CNBD1: variants seen among roughly 807,000 people sequenced by gnomAD.
CNBD1 encodes the protein cyclic nucleotide-binding domain-containing protein 1.
In CNBD1, 71 loss-of-function variants were observed where a neutral mutation model predicts 54.4. That is an observed-to-expected ratio of 1.30 (90% CI 1.08 to 1.59). The LOEUF is 1.59. CNBD1 is among the 40% of genes most tolerant of loss of function. CNBD1 has a pLI of 0.00. For missense variants in CNBD1, 659 were observed against 518.0 expected (o/e 1.27, Z -2.64); for synonymous variants, 182 against 170.7 (o/e 1.07, Z -0.51).
At chr8:87,323,967 A>G (rs1339865345) in intron 8 of CNBD1, among the ~76,000 whole-genome samples, 4 of 137,738 alleles carry the variant, frequency 2.9e-5, no homozygotes, top group Middle Eastern at 3.3e-3. Flanking sequence ...ATTATTTTGA[A>G]ATACGTCCCA....
intron 10 of CNBD1, among the ~76,000 whole-genome samples, chr8:87,365,095 T>C (rs1810616165): frequency 6.6e-6 from 1 of 151,934 alleles, no homozygotes; most frequent in South Asian, 2.1e-4. Flanking sequence ...TTGAACCTAA[T>C]TTACACTCGC....
intron 2 of CNBD1, among the ~76,000 whole-genome samples, chr8:86,892,648 A>C (rs908420200): frequency 1.7e-4 from 26 of 152,232 alleles, no homozygotes; most frequent in African/African-American, 6.3e-4. Context: ...GTAGTTTCTC[A>C]TTGTTTCAGT....
At chr8:87,201,525 A>G (rs1255635117) in intron 4 of CNBD1, among the ~76,000 whole-genome samples, 1 of 152,178 alleles carries the variant, frequency 6.6e-6, no homozygotes, top group Non-Finnish European at 1.5e-5. Context: ...CACATTCAGC[A>G]GTGTTTCAGG....
intron 2 of CNBD1, among the ~76,000 whole-genome samples, chr8:86,901,052 A>G (rs962483726): frequency 6.6e-6 from 1 of 152,196 alleles, no homozygotes; most frequent in African/African-American, 2.4e-5. Flanking sequence ...TTTTTAAATA[A>G]GAACAGAAGA....
intron 8 of CNBD1, among the ~76,000 whole-genome samples, chr8:87,348,155 C>A (rs1039027365): frequency 6.6e-6 from 1 of 151,936 alleles, no homozygotes; most frequent in East Asian, 1.9e-4. Context: ...TTTAAATGTG[C>A]CACAGAATTC....
At chr8:87,325,029 C>T (rs1392064084) in intron 8 of CNBD1, among the ~76,000 whole-genome samples, 1 of 101,718 alleles carries the variant, frequency 9.8e-6, no homozygotes, top group East Asian at 2.1e-4. Context: ...TTTCAAAGAA[C>T]ATCTTTATTT....
At chr8:87,198,325 G>A (rs898866774) in intron 4 of CNBD1, among the ~76,000 whole-genome samples, 3 of 152,162 alleles carry the variant, frequency 2.0e-5, no homozygotes, top group African/African-American at 7.2e-5. Flanking sequence ...CCAGCTCCAT[G>A]GAAAAACCCC....
intron 2 of CNBD1, among the ~76,000 whole-genome samples, chr8:87,423,898 T>G (rs576932064): frequency 6.6e-6 from 1 of 152,342 alleles, no homozygotes; most frequent in East Asian, 1.9e-4. Context: ...TGTGAAGCCA[T>G]CTAGTCCTGG....
chr8:86,953,332 G>C (rs1315733351), intron 4 of CNBD1, among the ~76,000 whole-genome samples: 2 of 152,158 alleles, frequency 1.3e-5, no homozygotes, highest in African/African-American at 4.8e-5. Context: ...TGTATCATTA[G>C]GTATAGATAA....
chr8:87,060,639 T>C (rs1398802343), intron 4 of CNBD1, among the ~76,000 whole-genome samples: 1 of 152,136 alleles, frequency 6.6e-6, no homozygotes, highest in Non-Finnish European at 1.5e-5. Context: ...ATTTTTCAAA[T>C]CTTAGTCCAT....
At chr8:87,414,461 A>T (rs1258269370) in intron 2 of CNBD1, among the ~76,000 whole-genome samples, 2 of 152,114 alleles carry the variant, frequency 1.3e-5, no homozygotes, top group Non-Finnish European at 1.5e-5. Context: ...AACATGGCAC[A>T]TGTATACATA....
chr8:87,280,833 C>A (rs1285660617), intron 6 of CNBD1, among the ~76,000 whole-genome samples: 1 of 151,398 alleles, frequency 6.6e-6, no homozygotes, highest in African/African-American at 2.4e-5. Flanking sequence ...TACATCATTT[C>A]TCAATAAACT....
intron 10 of CNBD1, among the ~76,000 whole-genome samples, chr8:87,362,951 C>G (rs972442206): frequency 6.6e-6 from 1 of 151,854 alleles, no homozygotes; most frequent in Non-Finnish European, 1.5e-5. Context: ...GTTTGCTGTA[C>G]CCATCAACCC....
At chr8:87,256,972 C>T (rs189534317) in intron 6 of CNBD1, among the ~76,000 whole-genome samples, 54 of 152,188 alleles carry the variant, frequency 3.5e-4, no homozygotes, top group South Asian at 1.0e-3. Flanking sequence ...CCACAAAAAG[C>T]TTTCTTTACC....
chr8:87,328,556 CT>C (rs1278835802), intron 8 of CNBD1, among the ~76,000 whole-genome samples: 4 of 151,768 alleles, frequency 2.6e-5, no homozygotes, highest in Admixed American at 1.3e-4. Context: ...AGGACTTCTT[CT>C]TTTTTATCAA....
At chr8:87,235,422 C>T (rs1412928057) in intron 5 of CNBD1, among the ~76,000 whole-genome samples, 2 of 152,096 alleles carry the variant, frequency 1.3e-5, no homozygotes, top group Non-Finnish European at 2.9e-5. Flanking sequence ...CATGACTCTT[C>T]CTTTGACTTG....
At chr8:87,353,094 C>T (rs1281926757) in intron 9 of CNBD1, among the ~76,000 whole-genome samples, 2 of 152,180 alleles carry the variant, frequency 1.3e-5, no homozygotes, top group Non-Finnish European at 2.9e-5. Flanking sequence ...CACAAGGTCT[C>T]TTATTTGAAC....
intron 4 of CNBD1, among the ~76,000 whole-genome samples, chr8:87,047,762 G>C (rs139712812): frequency 6.6e-6 from 1 of 152,150 alleles, no homozygotes; most frequent in Non-Finnish European, 1.5e-5. Flanking sequence ...CTCTGGGGGG[G>C]TCTATGGAGT....
At chr8:87,232,338 A>G (rs144484292) in intron 5 of CNBD1, among the ~76,000 whole-genome samples, 163 of 152,274 alleles carry the variant, frequency 1.1e-3, no homozygotes, top group African/African-American at 3.6e-3. Context: ...TCATTTTATA[A>G]AAAACTGCCA....
Sources: gnomAD v4.1 joint callset for allele counts (sites outside exome capture counted in the v4.1 genomes callset) on GRCh38, gnomAD v4.1.1 for gene constraint, MANE v1.5 for transcripts, NCBI Gene and HGNC (gene_info 2026-07-23, HGNC 2026-07-21) for gene names.